The following CCDC3 variants were observed in gnomAD, a reference collection of about 807,000 sequenced individuals.
The protein encoded by CCDC3 is coiled-coil domain containing 3.
In CCDC3, 24 loss-of-function variants were observed where a neutral mutation model predicts 21.4. The ratio of observed to expected loss-of-function variants is 1.12; its 90% CI spans 0.81 to 1.58. The LOEUF is 1.58. Ranked by LOEUF, CCDC3 falls within the 40% of genes most tolerant of loss-of-function variation. CCDC3 has a pLI of 0.00. For missense variants in CCDC3, 425 were observed against 360.9 expected, an observed-to-expected ratio of 1.18 and a Z score of -1.44; for synonymous variants, 186 against 166.0, an observed-to-expected ratio of 1.12 and a Z score of -0.93.
chr10:12,960,956 A>G (rs982251956), intron 2 of CCDC3, among the ~76,000 whole-genome samples: 9 of 152,118 alleles, frequency 5.9e-5, no homozygotes, highest in Non-Finnish European at 1.2e-4. Flanking sequence ...CTGGGTTGGT[A>G]TTCCTAGAAT....
intron 2 of CCDC3, chr10:13,098,709 G>GTTTTTTTTTT (rs1564348313): frequency 2.0e-4 from 12 of 59,484 alleles, no homozygotes; most frequent in Non-Finnish European, 2.7e-4. Flanking sequence ...TTCCTGCACT[G>GTTTTTTTTTT]ATTTTTTTTT....
At chr10:12,915,400 T>G (rs1834336898) in intron 2 of CCDC3, among the ~76,000 whole-genome samples, 1 of 152,240 alleles carries the variant, frequency 6.6e-6, no homozygotes, top group Non-Finnish European at 1.5e-5. Flanking sequence ...ATTGTTTTTC[T>G]GCATTTTGCA....
intron 2 of CCDC3, among the ~76,000 whole-genome samples, chr10:12,943,719 A>T (rs115569951): frequency 2.2e-4 from 34 of 152,314 alleles, no homozygotes; most frequent in African/African-American, 7.9e-4. Flanking sequence ...GGCCCTATGT[A>T]AATCAGACAC....
chr10:12,966,620 C>T (rs10795999), intron 2 of CCDC3, among the ~76,000 whole-genome samples: 60,781 of 152,030 alleles, frequency 0.4, 12,617 homozygotes, highest in East Asian at 0.56. Flanking sequence ...ACATGGGCTA[C>T]GGTTTTCCAA....
At chr10:13,023,441 C>T (rs543413840) in intron 5 of CCDC3, among the ~76,000 whole-genome samples, 66 of 152,200 alleles carry the variant, frequency 4.3e-4, no homozygotes, top group African/African-American at 1.4e-3. Flanking sequence ...AGTTCTCCTA[C>T]CCAAAGTTGC....
intron 2 of CCDC3, among the ~76,000 whole-genome samples, chr10:12,975,244 C>G (rs1019031980): frequency 8.5e-5 from 13 of 152,174 alleles, no homozygotes; most frequent in Non-Finnish European, 2.9e-5. Flanking sequence ...TTTGACGCCT[C>G]TGCCCATTTC....
Position 13,042,848 on chromosome 10 carries a change from G to T in CCDC3, c.-2+6826C>A, listed in dbSNP as rs1836477727. The stretch of plus-strand genomic sequence containing the variant: ...GGCGCGAACCTGGGAGGTGGAGCTT[G>T]CAGTGAGCCGAGATGGCGCCACTGC... On this transcript the variant is annotated intron_variant, in intron 5 of 6. Coordinates refer to the CCDC3 transcript ENST00000378839. Among the ~76,000 whole-genome samples, 3 of 144,152 alleles carry T rather than the reference G, an allele frequency of 2.1e-5. No homozygotes were observed. In the Admixed American group the frequency reaches 2.2e-4, roughly 10 times the overall value. 94.6% of individuals were successfully genotyped at this position (144,152 alleles called of 152,430 possible).
intron 2 of CCDC3, among the ~76,000 whole-genome samples, chr10:12,972,397 A>T (rs1226543490): frequency 6.6e-6 from 1 of 152,102 alleles, no homozygotes; most frequent in East Asian, 1.9e-4. Context: ...CTGGATCTGA[A>T]TCCTGCCCTC....
chr10:12,992,752 A>G (rs1265124450), intron 2 of CCDC3, among the ~76,000 whole-genome samples: 2 of 152,130 alleles, frequency 1.3e-5, no homozygotes, highest in Non-Finnish European at 2.9e-5. Flanking sequence ...ATTACCACTG[A>G]AGAATTGATT....
chr10:13,098,192 T>C (rs1832654736), intron 3 of CCDC3, among the ~76,000 whole-genome samples: 1 of 152,146 alleles, frequency 6.6e-6, no homozygotes, highest in Non-Finnish European at 1.5e-5. Context: ...CTGCTTTCTG[T>C]ACCAGAAACT....
chr10:12,970,617 G>A (rs1009157393), intron 2 of CCDC3, among the ~76,000 whole-genome samples: 1 of 152,246 alleles, frequency 6.6e-6, no homozygotes, highest in Non-Finnish European at 1.5e-5. Context: ...GGTGGCTCAC[G>A]CCTGTAATCC....
At chr10:13,057,343 T>C (rs150908198) in intron 4 of CCDC3, among the ~76,000 whole-genome samples, 158 of 152,244 alleles carry the variant, frequency 1.0e-3, no homozygotes, top group African/African-American at 3.6e-3. Flanking sequence ...AGACTTTTCA[T>C]GATTCCTTCC....
At chr10:13,091,700 A>T (rs982015717) in intron 3 of CCDC3, among the ~76,000 whole-genome samples, 38 of 152,146 alleles carry the variant, frequency 2.5e-4, no homozygotes, top group Non-Finnish European at 3.4e-4. Flanking sequence ...CTCCATCTGC[A>T]TAAAAGCTTC....
At chr10:12,997,033 C>T (rs781203327) in intron 2 of CCDC3, among the ~76,000 whole-genome samples, 6 of 152,004 alleles carry the variant, frequency 3.9e-5, no homozygotes, top group Non-Finnish European at 7.4e-5. Flanking sequence ...ACGCAATTTA[C>T]CCACGTCATA....
At chr10:12,908,721 T>A (rs1458875578) in intron 2 of CCDC3, among the ~76,000 whole-genome samples, 1 of 151,440 alleles carries the variant, frequency 6.6e-6, no homozygotes, top group East Asian at 1.9e-4. Flanking sequence ...GCCTCCCAAG[T>A]AGCTGGAACT....
intron 5 of CCDC3, among the ~76,000 whole-genome samples, chr10:13,007,552 T>C (rs1368319775): frequency 6.6e-6 from 1 of 152,162 alleles, no homozygotes; most frequent in Non-Finnish European, 1.5e-5. Context: ...TGGATTATAG[T>C]GTGTACCTGT....
intron 5 of CCDC3, among the ~76,000 whole-genome samples, chr10:13,044,128 A>T (rs1022604257): frequency 1.5e-4 from 22 of 150,768 alleles, no homozygotes; most frequent in African/African-American, 4.1e-4. Flanking sequence ...CCATTTTTTC[A>T]TATGTTTGTT....
intron 2 of CCDC3, among the ~76,000 whole-genome samples, chr10:12,925,350 A>C (rs1489887203): frequency 2.0e-5 from 3 of 152,176 alleles, no homozygotes; most frequent in Non-Finnish European, 4.4e-5. Context: ...TAGTCAAAAA[A>C]AATCAGGATC....
At chr10:12,919,606 AAAT>A (rs1401375402) in intron 2 of CCDC3, among the ~76,000 whole-genome samples, 13 of 140,672 alleles carry the variant, frequency 9.2e-5, no homozygotes, top group African/African-American at 3.4e-4. Context: ...AAAAAAAAAG[AAAT>A]GAGTACTATT....
Sources: gnomAD v4.1 joint callset for allele counts (sites outside exome capture counted in the v4.1 genomes callset) on GRCh38, gnomAD v4.1.1 for gene constraint, MANE v1.5 for transcripts, NCBI Gene and HGNC (gene_info 2026-07-23, HGNC 2026-07-21) for gene names.